Variants in SLC47A1 observed in about 807,000 individuals in gnomAD.
The protein encoded by SLC47A1 is solute carrier family 47 member 1, also known as multidrug and toxin extrusion protein 1.
A neutral mutation model predicts 65.8 loss-of-function variants in SLC47A1; 58 were observed. The ratio of observed to expected loss-of-function variants is 0.88; its 90% CI spans 0.71 to 1.10. The LOEUF (loss-of-function observed/expected upper bound fraction) is 1.10, where lower values mean the gene tolerates loss of function less well. Among genes scored for constraint, SLC47A1 ranks in the 50% least tolerant of loss-of-function variants. SLC47A1 has a pLI of 0.00. For missense variants in SLC47A1, 706 were observed against 719.2 expected (o/e 0.98, Z 0.21); for synonymous variants, 285 against 295.0 (o/e 0.97, Z 0.35).
chr17:19,567,289 G>A (rs772585238), intron 14 of SLC47A1, 61 bp downstream of exon 14: 71 of 1,607,890 alleles, frequency 4.4e-5, no homozygotes, highest in Non-Finnish European at 5.5e-5. Context: ...ATGACCGTCG[G>A]AGCACACGGG....
rs2084298185 is a variant in SLC47A1, at chr17:19,560,306, C to T, written c.1030+10C>T. The stretch of plus-strand genomic sequence containing the variant: ...TCCCTGCTGATTACAGGTGCTGAGA[C>T]CCCTTTACCCGAGGCTCTTGGTGCA... On this transcript the variant is annotated intron_variant, in intron 11 of 16. Coordinates refer to ENST00000270570, the MANE Select transcript of SLC47A1 (RefSeq NM_018242.3). The T allele has an allele frequency of 1.9e-6, 3 of 1,611,080 alleles. No individual in the cohort carries two copies. The highest frequency in any genetic ancestry group is 2.5e-6 in the Non-Finnish European group (3 of 1,177,436).
At position 19,578,886 on chromosome 17, in the gene SLC47A1, A is replaced by G. The variant is rs759617838; in HGVS notation, c.*1333A>G. 1 of 152,212 alleles carries G rather than the reference A, an allele frequency of 6.6e-6. No individual in the cohort carries two copies. Among genetic ancestry groups the G allele is most frequent in the Non-Finnish European group, 1.5e-5 (1 of 68,044 alleles). The allele number at this position is 152,212 out of a possible 1,614,324, so 9.4% of individuals were successfully genotyped here. Reference sequence around the variant, plus strand: ...GCTCCCAACACCCTTCCTGGTGCCAATAAACTTTCTCAAAGAGCAATACTG... The same window carrying G: ...GCTCCCAACACCCTTCCTGGTGCCAGTAAACTTTCTCAAAGAGCAATACTG... On this transcript the variant is annotated 3_prime_UTR_variant, in exon 17 of 17. Coordinates refer to ENST00000270570, the MANE Select transcript of SLC47A1 (RefSeq NM_018242.3).
intron 5 of SLC47A1, among the ~76,000 whole-genome samples, chr17:19,549,965 G>A (rs1916401283): frequency 6.6e-6 from 1 of 152,204 alleles, no homozygotes; most frequent in African/African-American, 2.4e-5. Context: ...CAAGGGCAAA[G>A]TCTCACCCAT....
intron 14 of SLC47A1, chr17:19,567,888 C>T (rs767686949): frequency 6.6e-6 from 1 of 152,368 alleles, no homozygotes; most frequent in Non-Finnish European, 1.5e-5. Context: ...TACACGTGGT[C>T]GGTGTGAACA....
At chr17:19,565,018 C>A (rs1211615595) in intron 12 of SLC47A1, among the ~76,000 whole-genome samples, 11 of 151,856 alleles carry the variant, frequency 7.2e-5, no homozygotes. Flanking sequence ...CACTCCTGGG[C>A]CAGTGCTGGA....
intron 16 of SLC47A1, among the ~76,000 whole-genome samples, chr17:19,574,153 CCA>C (rs1156329895): frequency 1.3e-5 from 2 of 151,592 alleles, no homozygotes; most frequent in Admixed American, 1.3e-4. Context: ...GAACTCCTGA[CCA>C]CAAGTGATCC....
chr17:19,568,914 GGGGTCT>G (rs2084379354), intron 14 of SLC47A1, among the ~76,000 whole-genome samples: 1 of 151,768 alleles, frequency 6.6e-6, no homozygotes, highest in African/African-American at 2.4e-5. Context: ...TTTTACAGAT[GGGGTCT>G]TGCTATGTTG....
At chr17:19,537,892 C>T (rs1414969088) in intron 1 of SLC47A1, among the ~76,000 whole-genome samples, 1 of 152,210 alleles carries the variant, frequency 6.6e-6, no homozygotes, top group African/African-American at 2.4e-5. Context: ...GTCTCCAGCA[C>T]CTGACTATTT....
At chr17:19,565,729 C>A (rs1018039681) in intron 12 of SLC47A1, among the ~76,000 whole-genome samples, 1 of 151,808 alleles carries the variant, frequency 6.6e-6, no homozygotes, top group East Asian at 1.9e-4. Context: ...TACAGGCGCC[C>A]GCCACCACGC....
intron 4 of SLC47A1, 137 bp from the exon 5 acceptor site, chr17:19,549,498 C>T (rs1038604205): frequency 3.3e-6 from 3 of 904,424 alleles, no homozygotes; most frequent in Non-Finnish European, 5.3e-6. Context: ...CCGGCCTGCT[C>T]CAGCAACTTA....
chr17:19,549,267 C>T (rs1010852895), intron 4 of SLC47A1, among the ~76,000 whole-genome samples: 1 of 151,576 alleles, frequency 6.6e-6, no homozygotes, highest in Non-Finnish European at 1.5e-5. Context: ...GGTGTGATCT[C>T]AGCTCACTGT....
At chr17:19,571,661 C>T (rs1430204279) in intron 15 of SLC47A1, 89 bp downstream of exon 15, 19 of 983,238 alleles carry the variant, frequency 1.9e-5, no homozygotes, top group South Asian at 1.4e-4. Flanking sequence ...TTGGAAAGTT[C>T]TTTTCTCATT....
At chr17:19,540,265 T>C (rs1840299643) in intron 1 of SLC47A1, among the ~76,000 whole-genome samples, 1 of 152,020 alleles carries the variant, frequency 6.6e-6, no homozygotes, top group Non-Finnish European at 1.5e-5. Context: ...CACTTCCATG[T>C]GAAGCCATGA....
chr17:19,574,160 T>C (rs916676477), intron 16 of SLC47A1, among the ~76,000 whole-genome samples: 14 of 151,634 alleles, frequency 9.2e-5, no homozygotes, highest in African/African-American at 2.7e-4. Flanking sequence ...TGACCACAAG[T>C]GATCCACCCT....
intron 12 of SLC47A1, among the ~76,000 whole-genome samples, chr17:19,566,325 T>C (rs929536078): frequency 2.0e-5 from 3 of 152,236 alleles, no homozygotes; most frequent in Non-Finnish European, 4.4e-5. Flanking sequence ...AGCTGTGAGA[T>C]ACAACATGCA....
chr17:19,553,016 A>T (rs1233454653), intron 6 of SLC47A1, among the ~76,000 whole-genome samples: 1 of 152,056 alleles, frequency 6.6e-6, no homozygotes, highest in African/African-American at 2.4e-5. Flanking sequence ...GAGCAGTGGG[A>T]GATACGATGA....
chr17:19,546,159 G>A (rs1197729363), intron 2 of SLC47A1, among the ~76,000 whole-genome samples: 1 of 152,140 alleles, frequency 6.6e-6, no homozygotes, highest in African/African-American at 2.4e-5. Context: ...GGTGGAGGTT[G>A]CAGTGAGCCG....
chr17:19,567,319 T>G, intron 14 of SLC47A1, 91 bp downstream of exon 14: 1 of 1,570,922 alleles, frequency 6.4e-7, no homozygotes, highest in South Asian at 1.1e-5. Context: ...GAGGCTCACC[T>G]CTGAAACTCG....
At chr17:19,542,593 C>T in intron 2 of SLC47A1, 99 bp downstream of exon 2, 3 of 956,390 alleles carry the variant, frequency 3.1e-6, no homozygotes, top group Non-Finnish European at 4.6e-6. Context: ...GAAACCTACA[C>T]AGACTTATTC....
Sources: gnomAD v4.1 joint callset for allele counts (sites outside exome capture counted in the v4.1 genomes callset) on GRCh38, gnomAD v4.1.1 for gene constraint, MANE v1.5 for transcripts, NCBI Gene and HGNC (gene_info 2026-07-23, HGNC 2026-07-21) for gene names.